GRM5: variants seen among roughly 807,000 people sequenced by gnomAD.
The protein encoded by GRM5 is metabotropic glutamate receptor 5.
A neutral mutation model predicts 83.1 loss-of-function variants in GRM5; 19 were observed. The ratio of observed to expected loss-of-function variants is 0.23; its 90% CI spans 0.16 to 0.34. GRM5 has a LOEUF of 0.34. Among genes scored for constraint, GRM5 ranks in the 10% least tolerant of loss-of-function variants. The pLI, the probability that GRM5 is intolerant of heterozygous loss-of-function variation, is 1.00. For missense variants in GRM5, 1,160 were observed against 1,588.3 expected, an observed-to-expected ratio of 0.73 and a Z score of 4.58; for synonymous variants, 675 against 633.6, an observed-to-expected ratio of 1.07 and a Z score of -0.98.
At chr11:88,572,042 C>G (rs1384399345) in intron 7 of GRM5, among the ~76,000 whole-genome samples, 1 of 152,156 alleles carries the variant, frequency 6.6e-6, no homozygotes, top group Non-Finnish European at 1.5e-5. Flanking sequence ...GATAGCAATA[C>G]TGTTAACTAA....
chr11:88,810,608 G>A (rs1041729729), intron 3 of GRM5, among the ~76,000 whole-genome samples: 8 of 152,054 alleles, frequency 5.3e-5, no homozygotes, highest in Admixed American at 4.6e-4. Flanking sequence ...AATGAATCCT[G>A]TTCGTTGCTC....
At position 88,915,829 on chromosome 11, in the gene GRM5, T is replaced by C. The variant is rs1330786313; in HGVS notation, c.662-65674A>G. 9.2e-5 allele frequency among the ~76,000 whole-genome samples: 14 copies of C among 152,292 alleles called. 1 individual carries two copies. In the East Asian group the frequency reaches 2.5e-3, roughly 27 times the overall value. On this transcript the variant is annotated intron_variant, in intron 2 of 9. Transcript: ENST00000305447. The stretch of plus-strand genomic sequence containing the variant: ...AGAGGCTTGATAACTAGAGGTTTTG[T>C]TGTGCAGACATTATGTTCCTTAAGA...
chr11:88,679,430 T>G (rs764395514), intron 3 of GRM5, among the ~76,000 whole-genome samples: 1 of 152,200 alleles, frequency 6.6e-6, no homozygotes, highest in Non-Finnish European at 1.5e-5. Flanking sequence ...TACTTTAGAA[T>G]TTCAAATATT....
At chr11:88,934,065 AG>A (rs1206380889) in intron 2 of GRM5, among the ~76,000 whole-genome samples, 1 of 151,780 alleles carries the variant, frequency 6.6e-6, no homozygotes, top group Admixed American at 6.6e-5. Context: ...AAAAGTAAAA[AG>A]AAAAAAAAAG....
chr11:88,826,465 T>A (rs1204234535), intron 3 of GRM5, among the ~76,000 whole-genome samples: 2 of 151,414 alleles, frequency 1.3e-5, no homozygotes, highest in Non-Finnish European at 2.9e-5. Flanking sequence ...ATTATTTTAT[T>A]TATTTATTTT....
chr11:88,685,628 C>T (rs1295224544), intron 3 of GRM5, among the ~76,000 whole-genome samples: 1 of 152,110 alleles, frequency 6.6e-6, no homozygotes, highest in Non-Finnish European at 1.5e-5. Context: ...AAAGTAGTTT[C>T]CTGGGCCTGG....
chr11:88,531,989 G>A (rs1313218323), intron 8 of GRM5, among the ~76,000 whole-genome samples: 2 of 151,992 alleles, frequency 1.3e-5, no homozygotes. Context: ...TTTCTTATAT[G>A]TGTAGAAACC....
chr11:88,542,077 G>A lies in GRM5; in HGVS notation c.2631-16673C>T, dbSNP rs148194032. 2.6e-3 allele frequency among the ~76,000 whole-genome samples: 401 copies of A among 152,264 alleles called. 1 individual carries two copies. The highest frequency in any genetic ancestry group is 9.4e-3 in the African/African-American group (392 of 41,540). On this transcript the variant is annotated intron_variant, in intron 8 of 9. Coordinates refer to ENST00000305447, the MANE Select transcript of GRM5 (RefSeq NM_001143831.3). ...AAGCCTCCCCAGCCATGTGGAACTG[G>A]GAGTCAATTAAACCTCTTTCCTTTA...
intron 3 of GRM5, among the ~76,000 whole-genome samples, chr11:88,828,702 C>T (rs867985699): frequency 2.0e-5 from 3 of 152,016 alleles, no homozygotes; most frequent in Admixed American, 2.0e-4. Context: ...TAAATTGACT[C>T]AGATACTTTG....
At chr11:89,034,848 T>C (rs7926463) in intron 2 of GRM5, among the ~76,000 whole-genome samples, 2,649 of 149,842 alleles carry the variant, frequency 0.018, 74 homozygotes, top group African/African-American at 0.06. Context: ...TCAAATCCTT[T>C]TTTTTTTTTT....
chr11:88,893,160 AG>A (rs1329571126), intron 2 of GRM5, among the ~76,000 whole-genome samples: 1 of 151,760 alleles, frequency 6.6e-6, no homozygotes, highest in Admixed American at 6.6e-5. Flanking sequence ...AAAAAAGAAA[AG>A]AAAAAAGAAG....
intron 2 of GRM5, among the ~76,000 whole-genome samples, chr11:89,006,878 A>G (rs866972132): frequency 1.1e-4 from 17 of 152,182 alleles, no homozygotes; most frequent in Middle Eastern, 6.8e-3. Flanking sequence ...GCTCACTGCA[A>G]GCTCCGCCTC....
chr11:89,013,809 T>G (rs1438615133), intron 2 of GRM5, among the ~76,000 whole-genome samples: 1 of 152,162 alleles, frequency 6.6e-6, no homozygotes, highest in African/African-American at 2.4e-5. Flanking sequence ...TTAATCTTAT[T>G]TTAGCACTTA....
intron 2 of GRM5, among the ~76,000 whole-genome samples, chr11:88,906,488 G>C (rs1430719241): frequency 6.6e-6 from 1 of 151,974 alleles, no homozygotes; most frequent in African/African-American, 2.4e-5. Flanking sequence ...AAGTTCAAAA[G>C]CCCTGGATTA....
chr11:88,676,826 G>T lies in GRM5; in HGVS notation c.912-23423C>A, dbSNP rs564322115. On this transcript the variant is annotated intron_variant, in intron 3 of 9. Coordinates refer to ENST00000305447, the MANE Select transcript of GRM5 (RefSeq NM_001143831.3). ...ATTCATTTAAGTAACACATTTTTATGTAGCACTTACTGCGTGCAAGGCATT... is the reference window on the plus strand; with the variant it reads ...ATTCATTTAAGTAACACATTTTTATTTAGCACTTACTGCGTGCAAGGCATT... Among the ~76,000 whole-genome samples the T allele has an allele frequency of 3.5e-4, 54 of 152,162 alleles. No homozygotes were observed. The East Asian group carries it at 0.01, about 29-fold the overall frequency.
chr11:88,808,700 C>T (rs1303124067), intron 3 of GRM5, among the ~76,000 whole-genome samples: 1 of 151,882 alleles, frequency 6.6e-6, no homozygotes, highest in Admixed American at 6.6e-5. Flanking sequence ...ATAAAAATGG[C>T]ATCAAAATTA....
intron 3 of GRM5, among the ~76,000 whole-genome samples, chr11:88,753,446 AT>A (rs1942327170): frequency 6.6e-6 from 1 of 152,152 alleles, no homozygotes; most frequent in Non-Finnish European, 1.5e-5. Flanking sequence ...AAGTCAAAAA[AT>A]AACAGATGAT....
chr11:88,872,910 C>T (rs189431450), intron 2 of GRM5, among the ~76,000 whole-genome samples: 1 of 147,014 alleles, frequency 6.8e-6, no homozygotes, highest in African/African-American at 2.5e-5. Flanking sequence ...CAAAATAAAA[C>T]AGAAAGGCTG....
At chr11:88,780,974 T>C (rs1031335587) in intron 3 of GRM5, among the ~76,000 whole-genome samples, 7 of 152,026 alleles carry the variant, frequency 4.6e-5, no homozygotes, top group Admixed American at 4.6e-4. Flanking sequence ...GCTTTTTTTT[T>C]CCACTAAGAA....
Sources: allele counts gnomAD v4.1 joint callset (sites outside exome capture counted in the v4.1 genomes callset), GRCh38; gene constraint gnomAD v4.1.1; transcripts MANE v1.5; gene names NCBI Gene and HGNC (gene_info 2026-07-23, HGNC 2026-07-21).